The following SON variants were observed in gnomAD, a reference collection of about 807,000 sequenced individuals.
SON encodes the protein protein SON.
In SON, 4 loss-of-function variants were observed where a neutral mutation model predicts 173.3. The observed-to-expected ratio is 0.02, with a 90% confidence interval of 0.01 to 0.05. The LOEUF (loss-of-function observed/expected upper bound fraction) is 0.05, where lower values mean the gene tolerates loss of function less well. Ranked by LOEUF, SON falls within the 10% of genes least tolerant of loss-of-function variation. The pLI is 1.00. For missense variants in SON, 2,626 were observed against 3,055.3 expected, an observed-to-expected ratio of 0.86 and a Z score of 3.31; for synonymous variants, 1,190 against 1,105.9, an observed-to-expected ratio of 1.08 and a Z score of -1.51.
rs555844217 is a variant in SON at position 33,550,035 on chromosome 21, G to A, written c.804G>A (p.Val268=). The A allele has an allele frequency of 7.4e-5, 120 of 1,614,114 alleles. 2 individuals carry two copies. In the South Asian group the frequency reaches 1.2e-3, roughly 17 times the overall value. The part of the protein sequence containing the change: ...KSSEPVVTMS[V]EYQMKSVLKS... ...CTGAGCCAGTTGTAACAATGTCAGT[G>A]GAGTATCAGATGAAGTCTGTGCTGA... The change falls in exon 3 of 12, where the codon GTG becomes GTA. Residue 268 remains valine, a synonymous_variant. Coordinates refer to ENST00000356577, the MANE Select transcript of SON (RefSeq NM_138927.4).
In SON at chr21:33,569,228, G is replaced by C. The variant is rs1029744554; in HGVS notation, c.6885+141G>C. On this transcript the variant is annotated intron_variant, in intron 8 of 11. Coordinates refer to ENST00000356577, the MANE Select transcript of SON (RefSeq NM_138927.4). ...TGCTATGTGTATATGCTCCAGGGCG[G>C]ACACTGAAGACGGACTGGATTCATG... 2.7e-5 allele frequency: 15 copies of C among 565,654 alleles called. No individual in the cohort carries two copies. The African/African-American group carries it at 2.9e-4, about 11-fold the overall frequency. 35.0% of individuals were successfully genotyped at this position (565,654 alleles called of 1,614,324 possible).
intron 6 of SON, chr21:33,560,589 T>C: frequency 1.1e-6 from 1 of 930,670 alleles, no homozygotes; most frequent in Non-Finnish European, 1.3e-6. Flanking sequence ...TAAATATATA[T>C]ATATATCTGT....
In SON at chr21:33,554,993, G is replaced by A. The variant is rs774404358; in HGVS notation, c.5762G>A (p.Arg1921Gln). 2 of 1,613,624 alleles carry A rather than the reference G, an allele frequency of 1.2e-6. No homozygotes were observed. The highest frequency in any genetic ancestry group is 1.7e-5 in the Admixed American group (1 of 60,018). ...SRDNRKTVRA[R>Q]SRTPSRRSRS... ...GATAACCGAAAGACAGTTAGAGCTCGAAGTCGAACCCCAAGTCGTCGGAGT... is the reference window on the plus strand; with the variant it reads ...GATAACCGAAAGACAGTTAGAGCTCAAAGTCGAACCCCAAGTCGTCGGAGT... The change falls in exon 3 of 12, where the codon CGA (arginine) becomes CAA (glutamine). Residue 1921 changes from arginine to glutamine, a missense_variant. Coordinates refer to ENST00000356577, the MANE Select transcript of SON (RefSeq NM_138927.4).
At position 33,575,771 on chromosome 21, in the gene SON, C is replaced by A. The variant is rs762104734; in HGVS notation, c.7106-7C>A. 31 of 1,588,846 alleles carry A rather than the reference C, an allele frequency of 2.0e-5. No individual in the cohort carries two copies. Among genetic ancestry groups the A allele is most frequent in the African/African-American group, 6.7e-5 (5 of 74,388 alleles). On this transcript the variant is annotated splice_region_variant and splice_polypyrimidine_tract_variant and intron_variant, in intron 10 of 11. Coordinates refer to ENST00000356577, the MANE Select transcript of SON (RefSeq NM_138927.4). ...AATTTAAAACTGGGTATTTCTCCCC[C>A]CTGCAGGCAAACATCCTGTGTCTGC...
At position 33,550,380 on chromosome 21, in the gene SON, G is replaced by A. The variant is rs1016057916; in HGVS notation, c.1149G>A (p.Leu383=). ...QESSVASAME[L]PGPPATSMPE... ...CGTCGGTGGCCTCAGCGATGGAGTT[G>A]CCGGGGCCACCTGCGACCTCCATGC... Residue 383 remains leucine, a synonymous_variant, in exon 3 of 12, where the codon TTG becomes TTA. Coordinates refer to ENST00000356577, the MANE Select transcript of SON (RefSeq NM_138927.4). 1.2e-6 allele frequency: 2 copies of A among 1,614,010 alleles called. No homozygotes were observed. The highest frequency in any genetic ancestry group is 1.7e-6 in the Non-Finnish European group (2 of 1,180,038).
intron 6 of SON, chr21:33,560,153 T>G: frequency 6.2e-7 from 1 of 1,603,292 alleles, no homozygotes; most frequent in Non-Finnish European, 8.5e-7. Context: ...GGTGGAGGGA[T>G]TGATCGGAGA....
chr21:33,553,447 C>A lies in SON; in HGVS notation c.4216C>A (p.Pro1406Thr), dbSNP rs149373538. 6.2e-7 allele frequency: 1 copy of A among 1,614,192 alleles called. No individual in the cohort carries two copies. Among genetic ancestry groups the A allele is most frequent in the Non-Finnish European group, 8.5e-7 (1 of 1,180,034 alleles). ...VVAEPDYVTI[P>T]VPVVSALEPS... ...GGCTGAGCCAGACTATGTTACCATT[C>A]CTGTGCCAGTTGTTTCTGCGCTGGA... The change falls in exon 3 of 12, where the codon CCT (proline) becomes ACT (threonine). Residue 1406 changes from proline (P) to threonine (T), a missense_variant. Pro to Thr is a conservative substitution (Grantham distance 38, BLOSUM62 -1). Transcript: ENST00000356577.
chr21:33,567,081 A>G (rs918894600), intron 6 of SON, 76 bp from the exon 7 acceptor site: 1 of 755,614 alleles, frequency 1.3e-6, no homozygotes, highest in East Asian at 2.5e-5. Context: ...ATATGTAGCA[A>G]CTAAAGATAT....
chr21:33,572,866 GCTT>G (rs1350098258), intron 8 of SON, among the ~76,000 whole-genome samples: 1 of 150,812 alleles, frequency 6.6e-6, no homozygotes, highest in East Asian at 2.0e-4. Context: ...ACAACAGTAT[GCTT>G]CTTCAGTGTC....
Position 33,554,519 on chromosome 21 carries a change from G to A in SON, c.5288G>A (p.Arg1763His), listed in dbSNP as rs749946587. The change falls in exon 3 of 12, where the codon CGT becomes CAT. Residue 1763 changes from arginine (R) to histidine (H), a missense_variant. Around this residue, in one of 13 missense-constraint regions of SON, gnomAD observed 1,006 missense variants for 895.6 expected, o/e 1.12. Coordinates refer to ENST00000356577, the MANE Select transcript of SON (RefSeq NM_138927.4). ...EGPLLASDVG[R>H]DRSAASPVVS... ...CCTTTACTTGCAAGTGATGTTGGACGTGACAGATCTGCTGCCAGCCCGGTT... is the reference window on the plus strand; with the variant it reads ...CCTTTACTTGCAAGTGATGTTGGACATGACAGATCTGCTGCCAGCCCGGTT... 13 of 1,613,996 alleles carry A rather than the reference G, an allele frequency of 8.1e-6. No homozygotes were observed. The highest frequency in any genetic ancestry group is 2.7e-5 in the African/African-American group (2 of 74,924).
chr21:33,553,368 G>T lies in SON; in HGVS notation c.4137G>T (p.Ser1379=), dbSNP rs763012477. ...ESSTVTVLES[S]TVTVLEPSVV... Reference sequence around the variant, plus strand: ...CGACTGTGACTGTCCTGGAGTCTTCGACTGTAACTGTCCTGGAGCCTTCGG... The same window carrying T: ...CGACTGTGACTGTCCTGGAGTCTTCTACTGTAACTGTCCTGGAGCCTTCGG... Residue 1379 remains serine, a synonymous_variant, in exon 3 of 12, where the codon TCG becomes TCT. Transcript: ENST00000356577. The T allele has an allele frequency of 6.2e-7, 1 of 1,611,874 alleles. No homozygotes were observed. Among genetic ancestry groups the T allele is most frequent in the East Asian group, 2.2e-5 (1 of 44,876 alleles).
At position 33,567,310 on chromosome 21, in the gene SON, C is replaced by T. The variant is rs768653624; in HGVS notation, c.6768+43C>T. On this transcript the variant is annotated intron_variant, in intron 7 of 11. Transcript: ENST00000356577. ...AAAAAAAATTATTATTTACCATCAG[C>T]CAACTCACACCAATGTACCAGTTTT... 5.7e-6 allele frequency: 6 copies of T among 1,053,298 alleles called. No individual in the cohort carries two copies. The Middle Eastern group carries it at 1.2e-3, about 210-fold the overall frequency. The allele number at this position is 1,053,298 out of a possible 1,614,324, so 65.2% of individuals were successfully genotyped here.
chr21:33,554,745 G>T lies in SON; in HGVS notation c.5514G>T (p.Lys1838Asn). 1 of 1,613,884 alleles carries T rather than the reference G, an allele frequency of 6.2e-7. No individual in the cohort carries two copies. ...RSKSSEHKSR[K>N]RTSESRSRAR... Reference sequence around the variant, plus strand: ...AATCTTCTGAACACAAATCACGCAAGCGTACCAGTGAATCTCGTTCTAGGG... The same window carrying T: ...AATCTTCTGAACACAAATCACGCAATCGTACCAGTGAATCTCGTTCTAGGG... The change falls in exon 3 of 12, where the codon AAG becomes AAT. Residue 1838 changes from lysine (K) to asparagine (N), a missense_variant. Physicochemically the swap from Lys to Asn is moderately conservative, Grantham distance 94. Transcript: ENST00000356577.
intron 7 of SON, 50 bp downstream of exon 7, chr21:33,567,317 A>T (rs547499117): frequency 1.0e-6 from 1 of 990,304 alleles, no homozygotes; most frequent in Admixed American, 1.7e-5. Flanking sequence ...CAGCCAACTC[A>T]CACCAATGTA....
At chr21:33,573,629 CTA>C (rs1042907551) in intron 9 of SON, among the ~76,000 whole-genome samples, 174 bp downstream of exon 9, 5 of 152,098 alleles carry the variant, frequency 3.3e-5, no homozygotes, top group African/African-American at 1.2e-4. Context: ...TTTTATATAA[CTA>C]TGGATAGAGA....
At chr21:33,558,117 T>C (rs911811717) in intron 4 of SON, 1 of 154,156 alleles carries the variant, frequency 6.5e-6, no homozygotes, top group African/African-American at 2.4e-5. Flanking sequence ...GTTACAAGCT[T>C]AATATACTCT....
rs2085937199 is a variant in SON, at chr21:33,555,158, G to A, written c.5927G>A (p.Arg1976His). 7 of 1,515,614 alleles carry A rather than the reference G, an allele frequency of 4.6e-6. No individual in the cohort carries two copies. The highest frequency in any genetic ancestry group is 3.7e-5 in the South Asian group (3 of 81,832). 93.9% of individuals were successfully genotyped at this position (1,515,614 alleles called of 1,614,324 possible). A position where few individuals can be genotyped will look rare whatever the true frequency, so the allele number is the denominator to read the frequency against. Residue 1976 changes from arginine to histidine, a missense_variant, in exon 3 of 12, where the codon CGC becomes CAC. Coordinates refer to ENST00000356577, the MANE Select transcript of SON (RefSeq NM_138927.4). ...AGCCGCCGCAGCCGCACCCCCAGCC[G>A]CCGCAGCCGCACCCCCAGCCGCCGG... ...TPSRRSRTPSRRSRTPSRRSR... is the reference protein window; with the variant it reads ...TPSRRSRTPSHRSRTPSRRSR...
chr21:33,546,958 GTTTC>G (rs776341346), intron 2 of SON: 1 of 151,928 alleles, frequency 6.6e-6, no homozygotes, highest in Admixed American at 6.6e-5. Context: ...ATTTGATTCA[GTTTC>G]TTTTTCTTTT....
chr21:33,552,398 G>A lies in SON; in HGVS notation c.3167G>A (p.Arg1056His). The change falls in exon 3 of 12, where the codon CGC becomes CAC. Residue 1056 changes from arginine (R) to histidine (H), a missense_variant. Transcript: ENST00000356577. This position sits in a 1 kb window ranked among gnomAD's most constrained non-coding sequence, Gnocchi z 5.6. ...ERSMMSPMAE[R>H]SMMSAYERSM... is the part of the protein sequence containing the mutation. ...TCTATGATGTCCCCTATGGCTGAGC[G>A]CTCTATGATGTCAGCTTATGAACGC... 3.7e-6 allele frequency: 6 copies of A among 1,613,912 alleles called. No individual in the cohort carries two copies. Among genetic ancestry groups the A allele is most frequent in the Non-Finnish European group, 4.2e-6 (5 of 1,179,960 alleles).
Sources: gnomAD v4.1 joint callset for allele counts (sites outside exome capture counted in the v4.1 genomes callset) on GRCh38, gnomAD v4.1.1 for gene constraint, gnomAD v4.1.1 regional missense constraint, Gnocchi (gnomAD v3.1) non-coding constraint, MANE v1.5 for transcripts, NCBI Gene and HGNC (gene_info 2026-07-23, HGNC 2026-07-21) for gene names.